The following EVI5L variants were observed in gnomAD, a reference collection of about 807,000 sequenced individuals.
The protein encoded by EVI5L is ecotropic viral integration site 5 like, also known as EVI5-like protein.
In EVI5L, 30 loss-of-function variants were observed where a neutral mutation model predicts 106.1. The ratio of observed to expected loss-of-function variants is 0.28; its 90% CI spans 0.21 to 0.38. The LOEUF (loss-of-function observed/expected upper bound fraction) is 0.38, where lower values mean the gene tolerates loss of function less well. Among genes scored for constraint, EVI5L ranks in the 10% least tolerant of loss-of-function variants. The pLI, the probability that EVI5L is intolerant of heterozygous loss-of-function variation, is 1.00. For missense variants in EVI5L, 809 were observed against 1,098.0 expected (o/e 0.74, Z 3.72); for synonymous variants, 489 against 483.3 (o/e 1.01, Z -0.15).
At chr19:7,833,763 C>G (rs1030229544) in intron 1 of EVI5L, among the ~76,000 whole-genome samples, 2 of 152,186 alleles carry the variant, frequency 1.3e-5, no homozygotes, top group African/African-American at 2.4e-5. Context: ...TGGTGGGGGG[C>G]TCCCCAGCAA....
Position 7,847,989 on chromosome 19 carries a change from C to T in EVI5L, c.327+68C>T, listed in dbSNP as rs573951961. On this transcript the variant is annotated intron_variant, in intron 3 of 19. Transcript: ENST00000538904. ...GCAGGTGGTGCGGTCACTCAGCCAC[C>T]AGGCAGCGCCAGGGTCTGCGGGGCC... The T allele has an allele frequency of 6.8e-6, 10 of 1,470,084 alleles. No homozygotes were observed. The East Asian group carries it at 2.0e-4, about 29-fold the overall frequency. The allele number at this position is 1,470,084 out of a possible 1,614,324, so 91.1% of individuals were successfully genotyped here.
In EVI5L at chr19:7,848,462, T is replaced by C. The variant is rs1478349987; in HGVS notation, c.328-459T>C. 6.6e-6 allele frequency among the ~76,000 whole-genome samples: 1 copy of C among 152,062 alleles called. No individual in the cohort carries two copies. Among genetic ancestry groups the C allele is most frequent in the Non-Finnish European group, 1.5e-5 (1 of 68,012 alleles). ...AAATACAAAAATTAGCTGGGCGTGG[T>C]GGCGTGCACCTGTAATCCCAGCTAC... On this transcript the variant is annotated intron_variant, in intron 3 of 19. Transcript: ENST00000538904. This position sits in a 1 kb window ranked among gnomAD's most constrained non-coding sequence, Gnocchi z 4.8.
At position 7,850,544 on chromosome 19, in the gene EVI5L, C is replaced by T. The variant is rs1205553807; in HGVS notation, c.753+422C>T. Among the ~76,000 whole-genome samples the T allele has an allele frequency of 6.6e-6, 1 of 152,166 alleles. No homozygotes were observed. Among genetic ancestry groups the T allele is most frequent in the Non-Finnish European group, 1.5e-5 (1 of 68,016 alleles). On this transcript the variant is annotated intron_variant, in intron 6 of 19. Transcript: ENST00000538904. The surrounding 1 kb of genome is among the most constrained non-coding windows in gnomAD (Gnocchi z 5.4). ...TAGCAGCCCCCGCAGGGCCTGCTCCCGGCTGGCAGGCAGAGCCGCCAAGGC... is the reference window on the plus strand; with the variant it reads ...TAGCAGCCCCCGCAGGGCCTGCTCCTGGCTGGCAGGCAGAGCCGCCAAGGC...
At position 7,863,611 on chromosome 19, in the gene EVI5L, G is replaced by A; in HGVS notation, c.2327G>A (p.Arg776His). 1.9e-6 allele frequency: 3 copies of A among 1,566,998 alleles called. No homozygotes were observed. The highest frequency in any genetic ancestry group is 2.6e-6 in the Non-Finnish European group (3 of 1,156,928). The change falls in exon 20 of 20, where the codon CGT (arginine) becomes CAT (histidine). Residue 776 changes from arginine to histidine, a missense_variant. Coordinates refer to ENST00000538904, the MANE Select transcript of EVI5L (RefSeq NM_001159944.3). The surrounding 1 kb of genome is among the most constrained non-coding windows in gnomAD (Gnocchi z 7.7). ...LSPRDARFFR[R>H]LERPAKDSEG... ...CCGCGCGATGCGCGCTTCTTCCGCCGTCTGGAGCGGCCGGCCAAGGACAGC... is the reference window on the plus strand; with the variant it reads ...CCGCGCGATGCGCGCTTCTTCCGCCATCTGGAGCGGCCGGCCAAGGACAGC...
chr19:7,848,830 G>C lies in EVI5L; in HGVS notation c.328-91G>C, dbSNP rs544435729. Reference sequence around the variant, plus strand: ...AGTTCTGTGCCATGCTTGAGGCCTGGATGAGCCACGCCTGAGGAGCTGGGC... The same window carrying C: ...AGTTCTGTGCCATGCTTGAGGCCTGCATGAGCCACGCCTGAGGAGCTGGGC... On this transcript the variant is annotated intron_variant, in intron 3 of 19. Transcript: ENST00000538904. This position sits in a 1 kb window ranked among gnomAD's most constrained non-coding sequence, Gnocchi z 4.8. 3.2e-6 allele frequency: 4 copies of C among 1,257,560 alleles called. No homozygotes were observed. The East Asian group carries it at 9.8e-5, about 31-fold the overall frequency. 77.9% of individuals were successfully genotyped at this position (1,257,560 alleles called of 1,614,324 possible). A position where few individuals can be genotyped will look rare whatever the true frequency, so the allele number is the denominator to read the frequency against.
chr19:7,838,079 A>T (rs557328), intron 1 of EVI5L, among the ~76,000 whole-genome samples: 23,296 of 149,902 alleles, frequency 0.16, 2,376 homozygotes, highest in Middle Eastern at 0.23. Context: ...TGGTGTGTTT[A>T]TTTTTTTTTT....
In EVI5L at chr19:7,848,015, C is replaced by T. The variant is rs2146424362; in HGVS notation, c.327+94C>T. On this transcript the variant is annotated intron_variant, in intron 3 of 19. Coordinates refer to ENST00000538904, the MANE Select transcript of EVI5L (RefSeq NM_001159944.3). The surrounding 1 kb of genome is among the most constrained non-coding windows in gnomAD (Gnocchi z 4.8). The stretch of plus-strand genomic sequence containing the variant: ...AGGCAGCGCCAGGGTCTGCGGGGCC[C>T]CAGCCTGGGCACAGCGGCAGCAGTG... 1 of 1,344,702 alleles carries T rather than the reference C, an allele frequency of 7.4e-7. No homozygotes were observed. The highest frequency in any genetic ancestry group is 2.5e-5 in the East Asian group (1 of 39,546). The allele number at this position is 1,344,702 out of a possible 1,614,324, so 83.3% of individuals were successfully genotyped here.
In EVI5L at chr19:7,857,379, G is replaced by C. The variant is rs906889553; in HGVS notation, c.1233+255G>C. On this transcript the variant is annotated intron_variant, in intron 12 of 19. Coordinates refer to ENST00000538904, the MANE Select transcript of EVI5L (RefSeq NM_001159944.3). This position sits in a 1 kb window ranked among gnomAD's most constrained non-coding sequence, Gnocchi z 4.5. ...GAATGTCCACATGCATGTACAGAAA[G>C]CTTCCTCCGGGCGACACAGGGTGGG... is the stretch of plus-strand genomic sequence containing the variant. The C allele has an allele frequency of 1.7e-5, 10 of 600,550 alleles. No individual in the cohort carries two copies. The African/African-American group carries it at 1.9e-4, about 11-fold the overall frequency. 37.2% of individuals were successfully genotyped at this position (600,550 alleles called of 1,614,324 possible). A position where few individuals can be genotyped will look rare whatever the true frequency, so the allele number is the denominator to read the frequency against.
At position 7,860,744 on chromosome 19, in the gene EVI5L, G is replaced by T; in HGVS notation, c.1503+55G>T. ...CGGGGGGACCCTGGGGCACAGGAGG[G>T]GTCCTGGATAAGCTTTGGGAGTGAC... is the stretch of plus-strand genomic sequence containing the variant. On this transcript the variant is annotated intron_variant, in intron 14 of 19. Transcript: ENST00000538904. The T allele has an allele frequency of 4.6e-6, 7 of 1,510,872 alleles. No individual in the cohort carries two copies. The South Asian group carries it at 7.6e-5, about 16-fold the overall frequency. 93.6% of individuals were successfully genotyped at this position (1,510,872 alleles called of 1,614,324 possible).
Position 7,863,180 on chromosome 19 carries a change from CG to C in EVI5L, c.2044-4del. 1 of 1,553,768 alleles carries C rather than the reference CG, an allele frequency of 6.4e-7. No individual in the cohort carries two copies. Among genetic ancestry groups the C allele is most frequent in the South Asian group, 1.2e-5 (1 of 84,252 alleles). ...TGGCCCCGCGTGACCTGGCGCACCC[CG>C]CAGAGGGAGGAAGGCCGCATCCAGG... On this transcript the variant is annotated splice_region_variant and splice_polypyrimidine_tract_variant and intron_variant, in intron 18 of 19. Transcript: ENST00000538904. This position sits in a 1 kb window ranked among gnomAD's most constrained non-coding sequence, Gnocchi z 7.7.
At chr19:7,849,454 C>A in intron 5 of EVI5L, 124 bp downstream of exon 5, 1 of 1,042,112 alleles carries the variant, frequency 9.6e-7, no homozygotes, top group Non-Finnish European at 1.4e-6. Flanking sequence ...GATCCTCCTT[C>A]TCCATCCACA....
At chr19:7,853,660 G>T (rs2146431375) in intron 10 of EVI5L, 2 of 383,172 alleles carry the variant, frequency 5.2e-6, no homozygotes, top group South Asian at 5.1e-5. Context: ...CACGCGGTGG[G>T]CAAGGCTGAC....
intron 1 of EVI5L, among the ~76,000 whole-genome samples, chr19:7,842,272 T>A (rs571090708): frequency 1.3e-5 from 2 of 151,576 alleles, no homozygotes; most frequent in East Asian, 3.9e-4. Flanking sequence ...TACATGTGTA[T>A]GAATGTGCAT....
At chr19:7,840,306 C>T (rs923352933) in intron 1 of EVI5L, among the ~76,000 whole-genome samples, 1 of 152,212 alleles carries the variant, frequency 6.6e-6, no homozygotes, top group African/African-American at 2.4e-5. Context: ...TGGCGAAACC[C>T]TGTCTCTACT....
At chr19:7,862,361 T>C (rs768411661) in intron 16 of EVI5L, 27 bp from the exon 17 acceptor site, 4 of 1,585,150 alleles carry the variant, frequency 2.5e-6, no homozygotes, top group Non-Finnish European at 3.4e-6. Flanking sequence ...GCCGCCGTCC[T>C]CCGTCCTCCC....
At chr19:7,843,275 T>C (rs1778636492) in intron 1 of EVI5L, among the ~76,000 whole-genome samples, 1 of 129,554 alleles carries the variant, frequency 7.7e-6, no homozygotes. Context: ...AGAATAGGCA[T>C]GGGTGTGTGT....
At position 7,858,277 on chromosome 19, in the gene EVI5L, G is replaced by A. The variant is rs558145558; in HGVS notation, c.1320G>A (p.Ala440=). 8.2e-5 allele frequency: 127 copies of A among 1,552,332 alleles called. No individual in the cohort carries two copies. The highest frequency in any genetic ancestry group is 9.8e-5 in the Non-Finnish European group (112 of 1,148,310). Residue 440 remains alanine (A), a synonymous_variant, in exon 13 of 20, where the codon GCG becomes GCA. Coordinates refer to ENST00000538904, the MANE Select transcript of EVI5L (RefSeq NM_001159944.3). The surrounding 1 kb of genome is among the most constrained non-coding windows in gnomAD (Gnocchi z 5.7). ...LAVVRQQCSS[A]AEDLQKAQST... ...TGGTGCGGCAGCAGTGCAGCTCGGC[G>A]GCCGAGGACCTGCAGAAGGCACAGA...
At chr19:7,833,307 C>T (rs755149393) in intron 1 of EVI5L, among the ~76,000 whole-genome samples, 6 of 152,360 alleles carry the variant, frequency 3.9e-5, no homozygotes, top group Non-Finnish European at 8.8e-5. Flanking sequence ...CCCTGCTCTG[C>T]GTCTAAAGTC....
rs1320722806 is a variant in EVI5L, at chr19:7,864,521, A to C, written c.*819A>C. The C allele has an allele frequency of 2.0e-5, 3 of 152,080 alleles. No individual in the cohort carries two copies. The highest frequency in any genetic ancestry group is 4.8e-5 in the African/African-American group (2 of 41,240). 9.4% of individuals were successfully genotyped at this position (152,080 alleles called of 1,614,324 possible). ...GGTCTCCATCTACTTCCCTTTCTTC[A>C]TGTGTTTCCAGCCCCACCCTCAGCC... On this transcript the variant is annotated 3_prime_UTR_variant, in exon 20 of 20. Coordinates refer to ENST00000538904, the MANE Select transcript of EVI5L (RefSeq NM_001159944.3). This position sits in a 1 kb window ranked among gnomAD's most constrained non-coding sequence, Gnocchi z 4.5.
Sources: gnomAD v4.1 joint callset for allele counts (sites outside exome capture counted in the v4.1 genomes callset) on GRCh38, gnomAD v4.1.1 for gene constraint, Gnocchi (gnomAD v3.1) non-coding constraint, MANE v1.5 for transcripts, NCBI Gene and HGNC (gene_info 2026-07-23, HGNC 2026-07-21) for gene names.